CHAT: variants seen among roughly 807,000 people sequenced by gnomAD.
CHAT encodes choline O-acetyltransferase, also known as acetyl CoA:choline O-acetyltransferase.
In CHAT, 61 loss-of-function variants were observed where a neutral mutation model predicts 76.9. That is an observed-to-expected ratio of 0.79 (90% CI 0.65 to 0.98). The LOEUF is 0.98. CHAT is among the 50% of genes least tolerant of loss of function. CHAT has a pLI of 0.00. For synonymous variants in CHAT, 407 were observed against 397.4 expected (o/e 1.02, Z -0.29); for missense variants, 946 against 986.9 (o/e 0.96, Z 0.56).
chr10:49,624,942 T>C (rs1429269893), intron 5 of CHAT, among the ~76,000 whole-genome samples: 2 of 151,112 alleles, frequency 1.3e-5, no homozygotes, highest in Non-Finnish European at 3.0e-5. Flanking sequence ...GGTAGAAGTA[T>C]GGTAGATGTA....
In CHAT at chr10:49,627,704, GA is replaced by G; in HGVS notation, c.1031del (p.Asp344AlafsTer10). 6.2e-7 allele frequency: 1 copy of G among 1,614,146 alleles called. No homozygotes were observed. The highest frequency in any genetic ancestry group is 1.1e-5 in the South Asian group (1 of 91,078). Reference protein sequence around the residue: ...RKIVKMASNEDERLPPIGLLT... With the variant: ...RKIVKMASNEXERLPPIGLLT... ...GATAGTCAAAATGGCTTCCAACGAG[GA>G]CGAGCGTTTGCCTCCAATTGGCCTG... On this transcript the variant is annotated frameshift_variant, in exon 7 of 15. Coordinates refer to ENST00000337653, the MANE Select transcript of CHAT (RefSeq NM_020549.5). LOFTEE classifies it high-confidence loss of function.
chr10:49,610,837 C>G (rs753791508), upstream of CHAT: 21 of 1,610,222 alleles, frequency 1.3e-5, no homozygotes, highest in Non-Finnish European at 1.8e-5. Context: ...GCGGCAGAGG[C>G]GCCTGGTGCT....
At chr10:49,619,550 G>A (rs551436553) in intron 2 of CHAT, among the ~76,000 whole-genome samples, 175 bp from the exon 3 acceptor site, 10 of 152,148 alleles carry the variant, frequency 6.6e-5, no homozygotes, top group Admixed American at 5.9e-4. Flanking sequence ...GGTCAGGGAC[G>A]CCAAACAGGA....
At chr10:49,637,843 T>G (rs1408259783) in intron 7 of CHAT, among the ~76,000 whole-genome samples, 2 of 152,260 alleles carry the variant, frequency 1.3e-5, no homozygotes, top group Non-Finnish European at 2.9e-5. Context: ...TTGATTCCAC[T>G]GTGGTCAGAT....
intron 13 of CHAT, among the ~76,000 whole-genome samples, chr10:49,658,637 A>T (rs961929144): frequency 1.3e-5 from 2 of 152,224 alleles, no homozygotes; most frequent in African/African-American, 4.8e-5. Context: ...TGAACCCGGG[A>T]GTCGGAAGTT....
intron 10 of CHAT, 38 bp from the exon 11 acceptor site, chr10:49,651,846 T>A: frequency 6.3e-7 from 1 of 1,598,948 alleles, no homozygotes; most frequent in Non-Finnish European, 8.5e-7. Context: ...CATACTGTTT[T>A]GCATGCAATA....
chr10:49,611,529 C>T (rs1255771725), upstream of CHAT: 2 of 1,602,552 alleles, frequency 1.2e-6, no homozygotes, highest in African/African-American at 2.7e-5. Context: ...TGGCAGTGGC[C>T]AAACCCTTCT....
intron 4 of CHAT, among the ~76,000 whole-genome samples, chr10:49,621,638 G>A (rs1838713109): frequency 6.6e-6 from 1 of 152,070 alleles, no homozygotes; most frequent in African/African-American, 2.4e-5. Context: ...TCCAGACCCA[G>A]GGCTGGCTTT....
chr10:49,616,380 C>T, intron 1 of CHAT, 122 bp from the exon 2 acceptor site: 1 of 793,690 alleles, frequency 1.3e-6, no homozygotes, highest in South Asian at 1.5e-5. Context: ...GACCCCTATA[C>T]ACAGCTGTCA....
intron 11 of CHAT, among the ~76,000 whole-genome samples, chr10:49,653,906 C>CCCT (rs1456977819): frequency 2.0e-5 from 3 of 152,236 alleles, no homozygotes; most frequent in Non-Finnish European, 4.4e-5. Context: ...CACAATGCAC[C>CCCT]CCTCCTCCTC....
At chr10:49,651,528 C>T (rs969999258) in intron 10 of CHAT, among the ~76,000 whole-genome samples, 2 of 152,328 alleles carry the variant, frequency 1.3e-5, no homozygotes, top group South Asian at 4.1e-4. Context: ...GGAAAATGTT[C>T]CTGTTACTCC....
chr10:49,626,656 G>A (rs904991352), intron 6 of CHAT, among the ~76,000 whole-genome samples: 1 of 152,170 alleles, frequency 6.6e-6, no homozygotes, highest in African/African-American at 2.4e-5. Context: ...GCTCCCACAG[G>A]CCACCGTATC....
intron 11 of CHAT, 71 bp downstream of exon 11, chr10:49,652,077 G>A: frequency 6.2e-7 from 1 of 1,603,754 alleles, no homozygotes; most frequent in Admixed American, 1.7e-5. Context: ...CTAGGGTCTA[G>A]AAGCATCCTG....
At chr10:49,611,358 G>C, upstream of CHAT, 1 of 1,600,590 alleles carries the variant, frequency 6.2e-7, no homozygotes, top group Non-Finnish European at 8.5e-7. Flanking sequence ...AGTACCCGGA[G>C]GAGCCGGAGC....
intron 7 of CHAT, among the ~76,000 whole-genome samples, chr10:49,641,593 G>A (rs556896267): frequency 2.6e-5 from 4 of 152,162 alleles, no homozygotes; most frequent in East Asian, 1.9e-4. Flanking sequence ...CCAGAGAGTC[G>A]GGAAGAATAT....
At position 49,646,556 on chromosome 10, in the gene CHAT, T is replaced by A; in HGVS notation, c.1163T>A (p.Val388Glu). 6.2e-7 allele frequency: 1 copy of A among 1,614,208 alleles called. No homozygotes were observed. The highest frequency in any genetic ancestry group is 8.5e-7 in the Non-Finnish European group (1 of 1,180,026). Reference sequence around the variant, plus strand: ...ATGATTGAGCGCTGCATCTGCCTTGTATGCCTGGACGCGCCAGGAGGCGTG... The same window carrying A: ...ATGATTGAGCGCTGCATCTGCCTTGAATGCCTGGACGCGCCAGGAGGCGTG... ...LDMIERCICL[V>E]CLDAPGGVEL... The change falls in exon 8 of 15, where the codon GTA (valine) becomes GAA (glutamate). Residue 388 changes from valine (V) to glutamate (E), a missense_variant. This residue lies in a region of CHAT where 548 missense variants were observed against 516.2 expected (regional missense o/e 1.06). Transcript: ENST00000337653.
chr10:49,611,208 G>A (rs1361406705), upstream of CHAT: 1 of 1,614,080 alleles, frequency 6.2e-7, no homozygotes, highest in African/African-American at 1.3e-5. Context: ...TGCCGCTGCT[G>A]ATCGGCCTGG....
chr10:49,614,710 T>A (rs1838418793), intron 1 of CHAT, among the ~76,000 whole-genome samples: 1 of 152,238 alleles, frequency 6.6e-6, no homozygotes, highest in African/African-American at 2.4e-5. Flanking sequence ...TCCAAGCGCA[T>A]GTTCTCACTT....
chr10:49,621,259 AGGCAGGGCCCACCTCTCCTCTG>A, intron 4 of CHAT, among the ~76,000 whole-genome samples: 1 of 152,250 alleles, frequency 6.6e-6, no homozygotes, highest in East Asian at 1.9e-4. Flanking sequence ...CGAGGACAAG[AGGCAGGGCCCACCTCTCCTCTG>A]GGCAGGGCTT....
Sources: gnomAD v4.1 joint callset for allele counts (sites outside exome capture counted in the v4.1 genomes callset) on GRCh38, gnomAD v4.1.1 for gene constraint, gnomAD v4.1.1 regional missense constraint, MANE v1.5 for transcripts, NCBI Gene and HGNC (gene_info 2026-07-23, HGNC 2026-07-21) for gene names.